Variants in RTN1 observed in about 807,000 individuals in gnomAD.
The protein encoded by RTN1 is reticulon 1, also known as reticulon-1.
A neutral mutation model predicts 65.5 loss-of-function variants in RTN1; 25 were observed. The ratio of observed to expected loss-of-function variants is 0.38; its 90% CI spans 0.28 to 0.53. The LOEUF (loss-of-function observed/expected upper bound fraction) is 0.53, where lower values mean the gene tolerates loss of function less well. Ranked by LOEUF, RTN1 falls within the 20% of genes least tolerant of loss-of-function variation. The probability of loss-of-function intolerance (pLI) is 0.79; values close to 1 mark genes in which losing one functional copy is unlikely to be tolerated. For synonymous variants in RTN1, 471 were observed against 447.6 expected (o/e 1.05, Z -0.66); for missense variants, 983 against 1,025.4 (o/e 0.96, Z 0.57).
intron 1 of RTN1, among the ~76,000 whole-genome samples, chr14:59,852,418 T>A (rs1210992886): frequency 2.0e-5 from 3 of 152,230 alleles, no homozygotes; most frequent in Non-Finnish European, 4.4e-5. Context: ...GATGGAGATT[T>A]TTAGAGGGAG....
intron 1 of RTN1, among the ~76,000 whole-genome samples, chr14:59,797,495 T>G (rs1316201384): frequency 6.6e-6 from 1 of 152,114 alleles, no homozygotes; most frequent in Non-Finnish European, 1.5e-5. Flanking sequence ...TATTCAAAAG[T>G]CCATTGTGCA....
chr14:59,678,717 C>T (rs1400344697), intron 3 of RTN1, among the ~76,000 whole-genome samples: 1 of 152,180 alleles, frequency 6.6e-6, no homozygotes, highest in East Asian at 1.9e-4. Context: ...CCCCATTGTC[C>T]TTAGGCTCAC....
rs540628416 is a variant in RTN1, at chr14:59,779,795, T to C, written c.242-33314A>G. On this transcript the variant is annotated intron_variant, in intron 1 of 8. Coordinates refer to ENST00000267484, the MANE Select transcript of RTN1 (RefSeq NM_021136.3). ...TCTGCATACACACTTAAATTGTCTA[T>C]ATGTTGCTTAGTTTTGAAATTATTG... 4.4e-4 allele frequency among the ~76,000 whole-genome samples: 67 copies of C among 152,282 alleles called. 1 individual carries two copies. The East Asian group carries it at 5.2e-3, about 12-fold the overall frequency.
chr14:59,856,447 G>A (rs920823655), intron 1 of RTN1, among the ~76,000 whole-genome samples: 2 of 152,110 alleles, frequency 1.3e-5, no homozygotes, highest in Non-Finnish European at 2.9e-5. Context: ...ACATACCTGG[G>A]ACAGCTTCCT....
intron 3 of RTN1, among the ~76,000 whole-genome samples, chr14:59,669,971 G>A (rs551519531): frequency 6.6e-6 from 1 of 152,242 alleles, no homozygotes; most frequent in South Asian, 2.1e-4. Flanking sequence ...CCATGAATGA[G>A]TTAGACATTT....
intron 2 of RTN1, among the ~76,000 whole-genome samples, chr14:59,745,273 G>C (rs1473738951): frequency 6.6e-6 from 1 of 152,054 alleles, no homozygotes; most frequent in Non-Finnish European, 1.5e-5. Flanking sequence ...AATAAATTTT[G>C]TTTCTTATAC....
intron 3 of RTN1, among the ~76,000 whole-genome samples, chr14:59,635,709 C>T (rs1426854799): frequency 6.6e-6 from 1 of 151,996 alleles, no homozygotes; most frequent in Non-Finnish European, 1.5e-5. Flanking sequence ...GAGAATTAAT[C>T]AAACAATAGA....
rs1886014591 is a variant in RTN1, at chr14:59,774,487, C to A, written c.242-28006G>T. On this transcript the variant is annotated intron_variant, in intron 1 of 8. Transcript: ENST00000267484. The surrounding 1 kb of genome is among the most constrained non-coding windows in gnomAD (Gnocchi z 5.1). ...AGCTGAAGTAATTAGGCAAATAATGCAGGCCAAAAATATGTCTGAAAGCTA... is the reference window on the plus strand; with the variant it reads ...AGCTGAAGTAATTAGGCAAATAATGAAGGCCAAAAATATGTCTGAAAGCTA... Among the ~76,000 whole-genome samples the A allele has an allele frequency of 6.6e-6, 1 of 152,086 alleles. No homozygotes were observed. The highest frequency in any genetic ancestry group is 2.1e-4 in the South Asian group (1 of 4,824).
intron 1 of RTN1, among the ~76,000 whole-genome samples, chr14:59,749,101 T>A (rs1338756499): frequency 2.6e-5 from 2 of 77,820 alleles, no homozygotes; most frequent in African/African-American, 1.7e-4. Flanking sequence ...TATATATATA[T>A]CTATATATAT....
At chr14:59,621,292 G>C (rs1179028208) in intron 3 of RTN1, among the ~76,000 whole-genome samples, 1 of 152,214 alleles carries the variant, frequency 6.6e-6, no homozygotes, top group Non-Finnish European at 1.5e-5. Flanking sequence ...TCCTAATGCA[G>C]AAAAGCCAGG....
At chr14:59,672,408 T>G (rs1883525147) in intron 3 of RTN1, among the ~76,000 whole-genome samples, 1 of 152,148 alleles carries the variant, frequency 6.6e-6, no homozygotes, top group Non-Finnish European at 1.5e-5. Flanking sequence ...TTTAAAACAC[T>G]CAAATTCCAA....
At chr14:59,750,239 T>TA (rs1885445274) in intron 1 of RTN1, among the ~76,000 whole-genome samples, 1 of 61,036 alleles carries the variant, frequency 1.6e-5, no homozygotes, top group African/African-American at 8.0e-5. Flanking sequence ...AATATATATA[T>TA]TATATCTATA....
At chr14:59,612,649 C>A (rs1397382302) in intron 3 of RTN1, among the ~76,000 whole-genome samples, 1 of 152,302 alleles carries the variant, frequency 6.6e-6, no homozygotes, top group Non-Finnish European at 1.5e-5. Flanking sequence ...TTGGCAGGCT[C>A]GTCAGTTACA....
intron 3 of RTN1, among the ~76,000 whole-genome samples, chr14:59,619,259 G>C (rs1454337610): frequency 6.6e-6 from 1 of 152,140 alleles, no homozygotes; most frequent in Non-Finnish European, 1.5e-5. Flanking sequence ...GAAATCTGAG[G>C]GTGAACTGGT....
chr14:59,807,415 T>C (rs919295884), intron 1 of RTN1, among the ~76,000 whole-genome samples: 8 of 152,162 alleles, frequency 5.3e-5, no homozygotes, highest in Non-Finnish European at 1.2e-4. Context: ...GGGTGTAATC[T>C]ACAAAGAATC....
chr14:59,655,022 ATCTC>A (rs750025270), intron 3 of RTN1, among the ~76,000 whole-genome samples: 1 of 152,230 alleles, frequency 6.6e-6, no homozygotes, highest in African/African-American at 2.4e-5. Context: ...AAGTAAAACT[ATCTC>A]TATCTGCACA....
chr14:59,660,202 T>C (rs1416504421), intron 3 of RTN1, among the ~76,000 whole-genome samples: 1 of 152,188 alleles, frequency 6.6e-6, no homozygotes, highest in Non-Finnish European at 1.5e-5. Flanking sequence ...ATCCTAAATA[T>C]ATATGCACCC....
intron 3 of RTN1, among the ~76,000 whole-genome samples, chr14:59,668,115 T>C (rs1229545540): frequency 6.6e-6 from 1 of 152,152 alleles, no homozygotes; most frequent in African/African-American, 2.4e-5. Flanking sequence ...TTAAAGTTCA[T>C]ATGGAACCAA....
chr14:59,788,141 T>A (rs979143002), intron 1 of RTN1, among the ~76,000 whole-genome samples: 1 of 152,206 alleles, frequency 6.6e-6, no homozygotes, highest in Non-Finnish European at 1.5e-5. Context: ...AAATTTAACT[T>A]TTTTCCCAGA....
Sources: gnomAD v4.1 joint callset for allele counts (sites outside exome capture counted in the v4.1 genomes callset) on GRCh38, gnomAD v4.1.1 for gene constraint, Gnocchi (gnomAD v3.1) non-coding constraint, MANE v1.5 for transcripts, NCBI Gene and HGNC (gene_info 2026-07-23, HGNC 2026-07-21) for gene names.